The following DESI1 variants were observed in gnomAD, a reference collection of about 807,000 sequenced individuals.
The protein encoded by DESI1 is desumoylating isopeptidase 1.
Under a neutral mutation model 22.4 loss-of-function variants are expected in DESI1, and 17 were observed. The ratio of observed to expected loss-of-function variants is 0.76; its 90% CI spans 0.52 to 1.14. The LOEUF (loss-of-function observed/expected upper bound fraction) is 1.14. DESI1 is among the 50% of genes most tolerant of loss of function. The probability of loss-of-function intolerance (pLI) is 0.00; values close to 1 mark genes in which losing one functional copy is unlikely to be tolerated. For missense variants in DESI1, 177 were observed against 208.9 expected, an observed-to-expected ratio of 0.85 and a Z score of 0.94; for synonymous variants, 92 against 84.2, an observed-to-expected ratio of 1.09 and a Z score of -0.51.
At chr22:41,603,186 G>A (rs560229631) in intron 5 of DESI1, 73 bp downstream of exon 5, 1 of 1,607,288 alleles carries the variant, frequency 6.2e-7, no homozygotes, top group Non-Finnish European at 8.5e-7. Flanking sequence ...GGGGGCCAGA[G>A]GAAGGGCACT....
intron 5 of DESI1, chr22:41,603,048 C>A: frequency 1.3e-6 from 1 of 760,970 alleles, no homozygotes. Flanking sequence ...TGCACTTAGG[C>A]CAGGGCAGAG....
chr22:41,619,236 C>T (rs555896375), intron 1 of DESI1, among the ~76,000 whole-genome samples: 73 of 152,306 alleles, frequency 4.8e-4, no homozygotes, highest in African/African-American at 1.6e-3. Context: ...TAAGAATTAG[C>T]TGATAAGCTC....
In DESI1 at chr22:41,603,253, ACTTACGTG is replaced by A. The variant is rs2067459422; in HGVS notation, c.411_413+5del. ...AGGCAGGGGCAGGGACAGAGGCCAC[ACTTACGTG>A]GAGAGAACTTCAGAGGGCAGGTCTG... On this transcript the variant is annotated splice_donor_variant and splice_donor_5th_base_variant and coding_sequence_variant and intron_variant, in exon 5 of 6. Coordinates refer to ENST00000263256, the MANE Select transcript of DESI1 (RefSeq NM_015704.3). LOFTEE classifies it high-confidence loss of function. The A allele has an allele frequency of 1.2e-6, 2 of 1,614,034 alleles. No homozygotes were observed. The highest frequency in any genetic ancestry group is 2.7e-5 in the African/African-American group (2 of 74,942).
intron 1 of DESI1, among the ~76,000 whole-genome samples, chr22:41,620,214 TC>T (rs1049608897): frequency 2.0e-5 from 3 of 152,002 alleles, no homozygotes; most frequent in African/African-American, 7.3e-5. Context: ...GATGGCTGGG[TC>T]CCTAGGCAGC....
At chr22:41,605,095 G>T (rs954915582) in intron 3 of DESI1, among the ~76,000 whole-genome samples, 2 of 152,150 alleles carry the variant, frequency 1.3e-5, no homozygotes, top group African/African-American at 4.8e-5. Flanking sequence ...CACTTCACAG[G>T]CCATCTCTCC....
Position 41,621,013 on chromosome 22 carries a change from C to T in DESI1, c.-174G>A. On this transcript the variant is annotated 5_prime_UTR_variant, in exon 1 of 6. Coordinates refer to ENST00000263256, the MANE Select transcript of DESI1 (RefSeq NM_015704.3). ...GCTGCTCGCGCCCCCACACCCGCTA[C>T]CGGCAACGACTACTGTGAGGTGACA... 1 of 645,402 alleles carries T rather than the reference C, an allele frequency of 1.5e-6. No individual in the cohort carries two copies. Among genetic ancestry groups the T allele is most frequent in the Non-Finnish European group, 2.6e-6 (1 of 379,084 alleles). 40.0% of individuals were successfully genotyped at this position (645,402 alleles called of 1,614,324 possible). A position where few individuals can be genotyped will look rare whatever the true frequency, so the allele number is the denominator to read the frequency against.
At chr22:41,607,956 C>G in intron 1 of DESI1, 95 bp from the exon 2 acceptor site, 1 of 1,403,306 alleles carries the variant, frequency 7.1e-7, no homozygotes, top group Non-Finnish European at 1.0e-6. Context: ...CCAGGGTAAC[C>G]TGTCATAAAC....
intron 1 of DESI1, among the ~76,000 whole-genome samples, chr22:41,616,653 T>C (rs1159914391): frequency 2.0e-5 from 3 of 152,122 alleles, no homozygotes; most frequent in Admixed American, 6.6e-5. Flanking sequence ...AGGACACTTA[T>C]AATAGCTAAT....
intron 4 of DESI1, 142 bp from the exon 5 acceptor site, chr22:41,603,523 T>C: frequency 7.6e-7 from 1 of 1,322,382 alleles, no homozygotes; most frequent in Non-Finnish European, 1.0e-6. Context: ...AGAAAAGCAC[T>C]GCTTATTTGC....
chr22:41,617,462 T>C (rs1200638103), intron 1 of DESI1, among the ~76,000 whole-genome samples: 1 of 152,210 alleles, frequency 6.6e-6, no homozygotes, highest in Non-Finnish European at 1.5e-5. Context: ...AACAAATTGA[T>C]TTTTTAAAGG....
chr22:41,602,383 T>C (rs1308697153), intron 5 of DESI1: 27 of 985,324 alleles, frequency 2.7e-5, no homozygotes, highest in Non-Finnish European at 3.3e-5. Context: ...CATCGAATGA[T>C]AGGAAGGCAG....
rs1263341799 is a variant in DESI1 at position 41,599,639 on chromosome 22, A to C, written c.*1458T>G. 1 of 151,938 alleles carries C rather than the reference A, an allele frequency of 6.6e-6. No homozygotes were observed. Among genetic ancestry groups the C allele is most frequent in the Non-Finnish European group, 1.5e-5 (1 of 68,008 alleles). The allele number at this position is 151,938 out of a possible 1,614,324, so 9.4% of individuals were successfully genotyped here. A position where few individuals can be genotyped will look rare whatever the true frequency, so the allele number is the denominator to read the frequency against. ...CACTGGTACGATCTCGGCTCATCGC[A>C]ATCTCTGCCTCCCGGGTTCAAGCGA... On this transcript the variant is annotated 3_prime_UTR_variant, in exon 6 of 6. Transcript: ENST00000263256.
chr22:41,601,114 G>A lies in DESI1; in HGVS notation c.490C>T (p.Pro164Ser), dbSNP rs2067447486. The change falls in exon 6 of 6, where the codon CCC (proline) becomes TCC (serine). Residue 164 changes from proline to serine, a missense_variant. Pro to Ser is a moderately conservative substitution (Grantham distance 74, BLOSUM62 -1). Transcript: ENST00000263256. ...CAGTCCTGTTAGCTCTGGCCGTTGGGTCTGCCCACGGAGCTCCCTCCTGGA... is the reference window on the plus strand; with the variant it reads ...CAGTCCTGTTAGCTCTGGCCGTTGGATCTGCCCACGGAGCTCCCTCCTGGA... The part of the protein sequence containing the change: ...QPPGGSSVGR[P>S]NGQS The A allele has an allele frequency of 6.2e-7, 1 of 1,613,312 alleles. No individual in the cohort carries two copies.
Position 41,600,422 on chromosome 22 carries a change from T to C in DESI1, c.*675A>G, listed in dbSNP as rs2067443408. 6.6e-6 allele frequency: 1 copy of C among 152,272 alleles called. No homozygotes were observed. The highest frequency in any genetic ancestry group is 2.4e-5 in the African/African-American group (1 of 41,412). 9.4% of individuals were successfully genotyped at this position (152,272 alleles called of 1,614,324 possible). On this transcript the variant is annotated 3_prime_UTR_variant, in exon 6 of 6. Transcript: ENST00000263256. ...GGGCACAAAGGCAGGTTTCCCAAAATTGATGGCAGAAGATTGGCAATCCAT... is the reference window on the plus strand; with the variant it reads ...GGGCACAAAGGCAGGTTTCCCAAAACTGATGGCAGAAGATTGGCAATCCAT...
At chr22:41,613,986 T>C (rs1395861611) in intron 1 of DESI1, among the ~76,000 whole-genome samples, 1 of 152,144 alleles carries the variant, frequency 6.6e-6, no homozygotes, top group African/African-American at 2.4e-5. Context: ...ATCTCATCCA[T>C]TCATAGAGTG....
At chr22:41,605,516 C>T (rs2067474024) in intron 3 of DESI1, among the ~76,000 whole-genome samples, 1 of 152,106 alleles carries the variant, frequency 6.6e-6, no homozygotes, top group Non-Finnish European at 1.5e-5. Context: ...TTGTTCTGGG[C>T]ACTGAGGAAA....
At chr22:41,603,079 G>A in intron 5 of DESI1, 180 bp downstream of exon 5, 1 of 905,642 alleles carries the variant, frequency 1.1e-6, no homozygotes, top group Non-Finnish European at 1.6e-6. Flanking sequence ...TCTGAAGGTG[G>A]AGGTAATACA....
Position 41,601,154 on chromosome 22 carries a change from G to GCATT in DESI1, c.449_450insAATG (p.Ile151MetfsTer77). 2 of 1,612,588 alleles carry GCATT rather than the reference G, an allele frequency of 1.2e-6. No homozygotes were observed. The highest frequency in any genetic ancestry group is 1.7e-6 in the Non-Finnish European group (2 of 1,179,544). On this transcript the variant is annotated frameshift_variant, in exon 6 of 6. Coordinates refer to ENST00000263256, the MANE Select transcript of DESI1 (RefSeq NM_015704.3). LOFTEE classifies it high-confidence loss of function. ...TCCCTCCTGGAGGCTGGATCTGAATGGAGTCCAGGAGGGGCCGAAGTGCCT... is the reference window on the plus strand; with the variant it reads ...TCCCTCCTGGAGGCTGGATCTGAATGCATTGAGTCCAGGAGGGGCCGAAGTGCCT...
Position 41,621,021 on chromosome 22 carries a change from G to A in DESI1, c.-182C>T, listed in dbSNP as rs915980985. The A allele has an allele frequency of 1.4e-5, 9 of 633,132 alleles. No homozygotes were observed. Among genetic ancestry groups the A allele is most frequent in the South Asian group, 6.0e-5 (3 of 49,798 alleles). 39.2% of individuals were successfully genotyped at this position (633,132 alleles called of 1,614,324 possible). ...CGCCCCCACACCCGCTACCGGCAAC[G>A]ACTACTGTGAGGTGACAGAGAGGGG... On this transcript the variant is annotated 5_prime_UTR_variant, in exon 1 of 6. Transcript: ENST00000263256.
Sources: allele counts gnomAD v4.1 joint callset (sites outside exome capture counted in the v4.1 genomes callset), GRCh38; gene constraint gnomAD v4.1.1; transcripts MANE v1.5; gene names NCBI Gene and HGNC (gene_info 2026-07-23, HGNC 2026-07-21).